The following HCN1 variants were observed in gnomAD, a reference collection of about 807,000 sequenced individuals.
The protein encoded by HCN1 is potassium/sodium hyperpolarization-activated cyclic nucleotide-gated channel 1.
Under a neutral mutation model 78.9 loss-of-function variants are expected in HCN1, and 13 were observed. That is an observed-to-expected ratio of 0.16 (90% CI 0.11 to 0.26). The LOEUF (loss-of-function observed/expected upper bound fraction) is 0.26. Among genes scored for constraint, HCN1 ranks in the 10% least tolerant of loss-of-function variants. The probability of loss-of-function intolerance (pLI) is 1.00; values close to 1 mark genes in which losing one functional copy is unlikely to be tolerated. For missense variants in HCN1, 810 were observed against 1,154.3 expected, an observed-to-expected ratio of 0.70 and a Z score of 4.32; for synonymous variants, 552 against 455.5, an observed-to-expected ratio of 1.21 and a Z score of -2.70.
intron 1 of HCN1, among the ~76,000 whole-genome samples, chr5:45,682,138 C>G (rs975473292): frequency 3.9e-5 from 6 of 151,904 alleles, no homozygotes; most frequent in Non-Finnish European, 7.4e-5. Context: ...CAACCAGCAC[C>G]TTGATCTTGC....
intron 2 of HCN1, among the ~76,000 whole-genome samples, chr5:45,510,004 C>T (rs1742379520): frequency 6.6e-6 from 1 of 152,096 alleles, no homozygotes; most frequent in South Asian, 2.1e-4. Context: ...AATGGACTAT[C>T]ATCCATGTAA....
At chr5:45,653,561 A>G (rs1561233216) in intron 1 of HCN1, among the ~76,000 whole-genome samples, 2 of 152,064 alleles carry the variant, frequency 1.3e-5, no homozygotes, top group Admixed American at 6.6e-5. Context: ...CCAAATTAGT[A>G]TCTGCGTTAA....
At chr5:45,587,589 A>T (rs1219836299) in intron 2 of HCN1, among the ~76,000 whole-genome samples, 1 of 151,762 alleles carries the variant, frequency 6.6e-6, no homozygotes, top group Non-Finnish European at 1.5e-5. Flanking sequence ...TAGGAGATAT[A>T]CCTAATGTAA....
At chr5:45,345,761 C>T (rs181086693) in intron 5 of HCN1, among the ~76,000 whole-genome samples, 168 of 152,268 alleles carry the variant, frequency 1.1e-3, no homozygotes, top group Admixed American at 1.6e-3. Context: ...CCAAACTTTC[C>T]CACATTTTAC....
chr5:45,510,051 C>T (rs767485837), intron 2 of HCN1, among the ~76,000 whole-genome samples: 5 of 152,044 alleles, frequency 3.3e-5, no homozygotes, highest in East Asian at 1.9e-4. Flanking sequence ...ACTTCACATC[C>T]GACATCATTT....
intron 3 of HCN1, among the ~76,000 whole-genome samples, chr5:45,449,261 A>T (rs1740861746): frequency 1.3e-5 from 2 of 152,214 alleles, no homozygotes; most frequent in South Asian, 4.1e-4. Flanking sequence ...CTAGCATAAG[A>T]GAACCAGTAG....
intron 2 of HCN1, among the ~76,000 whole-genome samples, chr5:45,590,334 C>T (rs1266671485): frequency 6.6e-6 from 1 of 152,110 alleles, no homozygotes; most frequent in African/African-American, 2.4e-5. Flanking sequence ...CAATATTGAG[C>T]AGAAAATACA....
At chr5:45,274,121 T>C (rs1195231156) in intron 6 of HCN1, among the ~76,000 whole-genome samples, 1 of 152,152 alleles carries the variant, frequency 6.6e-6, no homozygotes, top group Non-Finnish European at 1.5e-5. Flanking sequence ...ATAAAGAAGG[T>C]ATTATTCATG....
rs755646529 is a variant in HCN1 at position 45,461,834 on chromosome 5, G to T, written c.1011+12C>A. 64 of 1,610,458 alleles carry T rather than the reference G, an allele frequency of 4.0e-5. No homozygotes were observed. The Middle Eastern group carries it at 4.9e-4, about 12-fold the overall frequency. On this transcript the variant is annotated intron_variant, in intron 3 of 7. Transcript: ENST00000303230. ...TGAAAAGTCAGAGTGTAAAATAACA[G>T]AATTTACTTACAACCATTTCATTTA...
chr5:45,668,133 T>C (rs1408914097), intron 1 of HCN1, among the ~76,000 whole-genome samples: 1 of 151,956 alleles, frequency 6.6e-6, no homozygotes, highest in Non-Finnish European at 1.5e-5. Context: ...CCACAAATAA[T>C]AGCACAATTT....
intron 6 of HCN1, among the ~76,000 whole-genome samples, chr5:45,302,801 G>A (rs1057471520): frequency 2.6e-5 from 4 of 151,914 alleles, no homozygotes; most frequent in African/African-American, 9.7e-5. Context: ...TTATGATAGG[G>A]AATAAGTCTC....
At chr5:45,454,358 G>C (rs948014060) in intron 3 of HCN1, among the ~76,000 whole-genome samples, 1 of 151,854 alleles carries the variant, frequency 6.6e-6, no homozygotes, top group African/African-American at 2.4e-5. Flanking sequence ...AAGGAGAATC[G>C]CAACACTCAG....
chr5:45,675,673 T>A (rs1343767165), intron 1 of HCN1, among the ~76,000 whole-genome samples: 2 of 151,810 alleles, frequency 1.3e-5, no homozygotes, highest in African/African-American at 4.8e-5. Context: ...CAAGTAAAGC[T>A]AATATGATTT....
rs566550544 is a variant in HCN1, at chr5:45,665,003, T to C, written c.426-19395A>G. On this transcript the variant is annotated intron_variant, in intron 1 of 7. Transcript: ENST00000303230. ...TGCTATAAAGACACATGCACACGTA[T>C]GCTATTGTGGCACTATTCACAATAG... is the stretch of plus-strand genomic sequence containing the variant. 8.6e-5 allele frequency among the ~76,000 whole-genome samples: 13 copies of C among 151,662 alleles called. No homozygotes were observed. The East Asian group carries it at 2.5e-3, about 30-fold the overall frequency.
In HCN1 at chr5:45,695,861, G is replaced by T; in HGVS notation, c.233C>A (p.Ala78Glu). ...CCCCTCGGCGTCTTCGAAGCCCCCC[G>T]CCGGCTCCTCGCCGCCGCCGCCGCC... ...GGGGGGGEEP[A>E]GGFEDAEGPR... The change falls in exon 1 of 8, where the codon GCG becomes GAG. Residue 78 changes from alanine (A) to glutamate (E), a missense_variant. By Grantham distance (107) the Ala-to-Glu change is moderately radical. Around this residue, in one of 6 missense-constraint regions of HCN1, gnomAD observed 170 missense variants for 166.8 expected, o/e 1.02. Coordinates refer to ENST00000303230, the MANE Select transcript of HCN1 (RefSeq NM_021072.4). The T allele has an allele frequency of 1.3e-6, 2 of 1,586,946 alleles. No homozygotes were observed. The highest frequency in any genetic ancestry group is 1.1e-5 in the South Asian group (1 of 89,002).
rs748196306 is a variant in HCN1 at position 45,542,837 on chromosome 5, T to C, written c.850-80830A>G. 2.0e-5 allele frequency among the ~76,000 whole-genome samples: 3 copies of C among 152,294 alleles called. No homozygotes were observed. In the South Asian group the frequency reaches 6.2e-4, roughly 32 times the overall value. Reference sequence around the variant, plus strand: ...TAACATCACTTAAAAGAAAATGCTATAGTCAGTGTATGTTCAAGCAATTGG... The same window carrying C: ...TAACATCACTTAAAAGAAAATGCTACAGTCAGTGTATGTTCAAGCAATTGG... On this transcript the variant is annotated intron_variant, in intron 2 of 7. Transcript: ENST00000303230.
Position 45,371,901 on chromosome 5 carries a change from A to ATTTG in HCN1, c.1231-18656_1231-18655insCAAA, listed in dbSNP as rs1249558656. On this transcript the variant is annotated intron_variant, in intron 4 of 7. Coordinates refer to ENST00000303230, the MANE Select transcript of HCN1 (RefSeq NM_021072.4). Reference sequence around the variant, plus strand: ...ATATGAAATAAATATAATATACATTATATTATAAAAAATATATAATATACA... The same window carrying ATTTG: ...ATATGAAATAAATATAATATACATTATTTGTATTATAAAAAATATATAATATACA... Among the ~76,000 whole-genome samples, 31 of 114,406 alleles carry ATTTG rather than the reference A, an allele frequency of 2.7e-4. 1 individual carries two copies. The highest frequency in any genetic ancestry group is 1.0e-3 in the African/African-American group (31 of 30,054). The allele number at this position is 114,406 out of a possible 152,430, so 75.1% of individuals were successfully genotyped here. A position where few individuals can be genotyped will look rare whatever the true frequency, so the allele number is the denominator to read the frequency against.
At chr5:45,633,546 C>A (rs1043528274) in intron 2 of HCN1, among the ~76,000 whole-genome samples, 25 of 152,032 alleles carry the variant, frequency 1.6e-4, no homozygotes, top group African/African-American at 5.8e-4. Context: ...CATGAGAATT[C>A]ATACATATTT....
chr5:45,651,848 T>C (rs1191245484), intron 1 of HCN1, among the ~76,000 whole-genome samples: 2 of 151,958 alleles, frequency 1.3e-5, no homozygotes, highest in African/African-American at 4.8e-5. Context: ...AGGAAATATA[T>C]TTTAAAAATC....
Sources: allele counts gnomAD v4.1 joint callset (sites outside exome capture counted in the v4.1 genomes callset), GRCh38; gene constraint gnomAD v4.1.1; regional missense constraint gnomAD v4.1.1; transcripts MANE v1.5; gene names NCBI Gene and HGNC (gene_info 2026-07-23, HGNC 2026-07-21).